PRICKLE1: variants seen among roughly 807,000 people sequenced by gnomAD.
PRICKLE1 encodes the protein prickle planar cell polarity protein 1, also known as prickle-like protein 1.
In PRICKLE1, 14 loss-of-function variants were observed where a neutral mutation model predicts 70.2. That is an observed-to-expected ratio of 0.20 (90% confidence interval 0.13 to 0.31). The LOEUF is 0.31. PRICKLE1 is among the 10% of genes least tolerant of loss of function. PRICKLE1 has a pLI of 1.00. For synonymous variants in PRICKLE1, 357 were observed against 379.9 expected, an observed-to-expected ratio of 0.94 and a Z score of 0.70; for missense variants, 821 against 1,026.2, an observed-to-expected ratio of 0.80 and a Z score of 2.73.
At chr12:42,476,370 C>CG (rs1171297036) in intron 1 of PRICKLE1, among the ~76,000 whole-genome samples, 1 of 151,632 alleles carries the variant, frequency 6.6e-6, no homozygotes, top group Non-Finnish European at 1.5e-5. Context: ...TTAGTAGAGA[C>CG]GGGGTTTCTC....
intron 1 of PRICKLE1, among the ~76,000 whole-genome samples, chr12:42,540,978 G>A (rs1940101952): frequency 6.6e-6 from 1 of 152,142 alleles, no homozygotes; most frequent in African/African-American, 2.4e-5. Context: ...GGGTAGAATA[G>A]AGAGGTATTT....
At chr12:42,474,120 A>C (rs1938429478) in intron 1 of PRICKLE1, among the ~76,000 whole-genome samples, 1 of 151,966 alleles carries the variant, frequency 6.6e-6, no homozygotes, top group Admixed American at 6.6e-5. Flanking sequence ...AAAAACACAA[A>C]AATTAGCCAG....
intron 1 of PRICKLE1, among the ~76,000 whole-genome samples, chr12:42,547,076 C>A (rs996667150): frequency 7.9e-5 from 12 of 152,182 alleles, no homozygotes; most frequent in African/African-American, 2.9e-4. Flanking sequence ...AATATAGGAA[C>A]AATCAACAGG....
At chr12:42,486,344 C>T (rs1181410896) in intron 1 of PRICKLE1, among the ~76,000 whole-genome samples, 1 of 152,170 alleles carries the variant, frequency 6.6e-6, no homozygotes, top group South Asian at 2.1e-4. Flanking sequence ...GTATTCTCAG[C>T]ACCTAGAATG....
intron 5 of PRICKLE1, among the ~76,000 whole-genome samples, chr12:42,467,949 A>G (rs1297546838): frequency 2.0e-5 from 3 of 152,206 alleles, no homozygotes; most frequent in Non-Finnish European, 4.4e-5. Flanking sequence ...CTGTTAAAAC[A>G]CTGGGAAAAT....
rs188823440 is a variant in PRICKLE1, at chr12:42,510,176, G to A, written c.-48-37612C>T. ...GTGGCGCCATCTCTGCTCACTGCAAGCTCCGCCTCCTGGGTTCACGCCATT... is the reference window on the plus strand; with the variant it reads ...GTGGCGCCATCTCTGCTCACTGCAAACTCCGCCTCCTGGGTTCACGCCATT... On this transcript the variant is annotated intron_variant, in intron 1 of 7. Coordinates refer to ENST00000345127, the MANE Select transcript of PRICKLE1 (RefSeq NM_153026.3). Among the ~76,000 whole-genome samples the A allele has an allele frequency of 4.4e-3, 676 of 152,080 alleles. 8 individuals carry two copies. The highest frequency in any genetic ancestry group is 0.016 in the African/African-American group (648 of 41,524).
At chr12:42,482,503 G>A (rs976088207) in intron 1 of PRICKLE1, among the ~76,000 whole-genome samples, 4 of 152,164 alleles carry the variant, frequency 2.6e-5, no homozygotes, top group Non-Finnish European at 4.4e-5. Flanking sequence ...GTGGCCCGAG[G>A]AAACGGCAGC....
At chr12:42,468,392 A>G (rs115117457) in intron 5 of PRICKLE1, among the ~76,000 whole-genome samples, 171 of 152,320 alleles carry the variant, frequency 1.1e-3, no homozygotes, top group African/African-American at 4.0e-3. Flanking sequence ...TTCCCTTTCT[A>G]TCAGGAAGGT....
intron 5 of PRICKLE1, among the ~76,000 whole-genome samples, chr12:42,468,417 G>A (rs1938185105): frequency 1.3e-5 from 2 of 151,948 alleles, no homozygotes; most frequent in Admixed American, 6.6e-5. Context: ...AATTAATTGC[G>A]GTTTTGACCA....
Position 42,459,763 on chromosome 12 carries a change from C to CTAAT in PRICKLE1, c.*45_*46insATTA. 1 of 1,610,478 alleles carries CTAAT rather than the reference C, an allele frequency of 6.2e-7. No homozygotes were observed. Among genetic ancestry groups the CTAAT allele is most frequent in the East Asian group, 2.2e-5 (1 of 44,866 alleles). On this transcript the variant is annotated 3_prime_UTR_variant, in exon 8 of 8. Transcript: ENST00000345127. ...ACGGAAGAAAAGGAAACGATTCAGACGGTTAATGGCTAAGTTTTAAACAAA... is the reference window on the plus strand; with the variant it reads ...ACGGAAGAAAAGGAAACGATTCAGACTAATGGTTAATGGCTAAGTTTTAAACAAA...
At chr12:42,534,762 A>G (rs938567214) in intron 1 of PRICKLE1, among the ~76,000 whole-genome samples, 1 of 152,212 alleles carries the variant, frequency 6.6e-6, no homozygotes, top group Non-Finnish European at 1.5e-5. Flanking sequence ...GAAAAGGAAC[A>G]GTTTTTTGAA....
intron 1 of PRICKLE1, among the ~76,000 whole-genome samples, chr12:42,587,881 A>T (rs574106258): frequency 6.6e-6 from 1 of 152,384 alleles, no homozygotes; most frequent in African/African-American, 2.4e-5. Flanking sequence ...ATTAAAGCAG[A>T]ATCTTTGGAT....
At position 42,456,890 on chromosome 12, in the gene PRICKLE1, A is replaced by G. The variant is rs1397918692; in HGVS notation, c.*2919T>C. On this transcript the variant is annotated 3_prime_UTR_variant, in exon 8 of 8. Transcript: ENST00000345127. ...AATTTTTAAGCTTCAAAGTTACATT[A>G]TTGCCAGACGCAGTGGCTCATGCCT... is the stretch of plus-strand genomic sequence containing the variant. 1 of 152,102 alleles carries G rather than the reference A, an allele frequency of 6.6e-6. No homozygotes were observed. The highest frequency in any genetic ancestry group is 1.5e-5 in the Non-Finnish European group (1 of 68,014). 9.4% of individuals were successfully genotyped at this position (152,102 alleles called of 1,614,324 possible).
rs531147982 is a variant in PRICKLE1, at chr12:42,585,069, T to C, written c.-49+4396A>G. 8.0e-5 allele frequency among the ~76,000 whole-genome samples: 12 copies of C among 149,510 alleles called. No homozygotes were observed. The South Asian group carries it at 2.1e-3, about 26-fold the overall frequency. ...TTTCTGAAGTGTAATCCACTAGAAA[T>C]GAAAGGCATCTCTCCCAAGAGTTTA... On this transcript the variant is annotated intron_variant, in intron 1 of 7. Coordinates refer to ENST00000345127, the MANE Select transcript of PRICKLE1 (RefSeq NM_153026.3).
chr12:42,497,721 C>T (rs982689211), intron 1 of PRICKLE1, among the ~76,000 whole-genome samples: 1 of 152,122 alleles, frequency 6.6e-6, no homozygotes, highest in African/African-American at 2.4e-5. Flanking sequence ...AAATGTGACA[C>T]AGAGACACGA....
chr12:42,553,376 A>G lies in PRICKLE1; in HGVS notation c.-49+36089T>C, dbSNP rs941001772. ...GGAGAATGGCGTGAACCGGGGAGGCAGAGCTTGCAGTGAGCCGAGATCACG... is the reference window on the plus strand; with the variant it reads ...GGAGAATGGCGTGAACCGGGGAGGCGGAGCTTGCAGTGAGCCGAGATCACG... On this transcript the variant is annotated intron_variant, in intron 1 of 7. Coordinates refer to ENST00000345127, the MANE Select transcript of PRICKLE1 (RefSeq NM_153026.3). 3.1e-4 allele frequency among the ~76,000 whole-genome samples: 47 copies of G among 152,050 alleles called. 1 individual carries two copies. Among genetic ancestry groups the G allele is most frequent in the East Asian group, 1.2e-3 (6 of 5,146 alleles).
intron 1 of PRICKLE1, among the ~76,000 whole-genome samples, chr12:42,547,205 A>G (rs989798226): frequency 6.6e-6 from 1 of 152,222 alleles, no homozygotes; most frequent in Non-Finnish European, 1.5e-5. Context: ...GTAATAAGCT[A>G]CTTCAAACCT....
At chr12:42,539,556 A>T (rs1940073432) in intron 1 of PRICKLE1, among the ~76,000 whole-genome samples, 1 of 152,110 alleles carries the variant, frequency 6.6e-6, no homozygotes, top group Admixed American at 6.5e-5. Flanking sequence ...AATAGAGAGC[A>T]ATGTCTTTGA....
intron 1 of PRICKLE1, among the ~76,000 whole-genome samples, chr12:42,526,917 A>G (rs1434869676): frequency 1.3e-5 from 2 of 152,036 alleles, no homozygotes; most frequent in Admixed American, 1.3e-4. Context: ...TACCAGATGG[A>G]ATCAAGAGAC....
Sources: allele counts gnomAD v4.1 joint callset (sites outside exome capture counted in the v4.1 genomes callset), GRCh38; gene constraint gnomAD v4.1.1; transcripts MANE v1.5; gene names NCBI Gene and HGNC (gene_info 2026-07-23, HGNC 2026-07-21).